Variants in RNF212B observed in about 807,000 individuals in gnomAD.
The protein encoded by RNF212B is E3 ubiquitin-protein ligase RNF212B.
A neutral mutation model predicts 55.5 loss-of-function variants in RNF212B; 52 were observed. The ratio of observed to expected loss-of-function variants is 0.94; its 90% CI spans 0.75 to 1.18. The LOEUF is 1.18. Ranked by LOEUF, RNF212B falls within the 50% of genes most tolerant of loss-of-function variation. The pLI is 0.00. For synonymous variants in RNF212B, 99 were observed against 121.4 expected, an observed-to-expected ratio of 0.82 and a Z score of 1.21; for missense variants, 289 against 350.4, an observed-to-expected ratio of 0.82 and a Z score of 1.40.
chr14:23,263,088 A>AG (rs944125051), intron 9 of RNF212B, 118 bp downstream of exon 9: 4 of 894,368 alleles, frequency 4.5e-6, no homozygotes, highest in African/African-American at 1.9e-5. Flanking sequence ...GTTTAAAGCT[A>AG]GGGTTTTTTT....
chr14:23,207,331 T>C (rs983494778), intron 2 of RNF212B, among the ~76,000 whole-genome samples: 2 of 152,154 alleles, frequency 1.3e-5, no homozygotes, highest in African/African-American at 4.8e-5. Context: ...CTCTCTACTA[T>C]TCTAGAGGCA....
At chr14:23,214,430 G>T (rs751100006) in intron 2 of RNF212B, among the ~76,000 whole-genome samples, 12 of 152,082 alleles carry the variant, frequency 7.9e-5, no homozygotes, top group African/African-American at 1.4e-4. Flanking sequence ...GGAGGTGGAG[G>T]TTGCGGTGAG....
At chr14:23,268,778 A>G (rs1204327759) in intron 11 of RNF212B, 146 bp from the exon 12 acceptor site, 2 of 635,052 alleles carry the variant, frequency 3.1e-6, no homozygotes, top group Non-Finnish European at 5.6e-6. Flanking sequence ...GTGATTTGTG[A>G]GCTTTTTCAC....
intron 2 of RNF212B, among the ~76,000 whole-genome samples, chr14:23,216,360 A>G (rs536592216): frequency 1.7e-4 from 26 of 152,230 alleles, no homozygotes; most frequent in Non-Finnish European, 3.7e-4. Flanking sequence ...CCTACAAAAA[A>G]GCAAAAAGAA....
At chr14:23,260,747 C>T (rs567003078) in intron 7 of RNF212B, 60 bp downstream of exon 7, 6 of 1,426,190 alleles carry the variant, frequency 4.2e-6, no homozygotes, top group South Asian at 2.5e-5. Flanking sequence ...TCTTTCTTGA[C>T]TCCTGGCTGT....
At chr14:23,235,609 T>G (rs543393913), upstream of RNF212B, among the ~76,000 whole-genome samples, 27 of 152,342 alleles carry the variant, frequency 1.8e-4, no homozygotes, top group East Asian at 3.3e-3. Context: ...GGAAAACTTG[T>G]ACCTGCAACT....
intron 2 of RNF212B, among the ~76,000 whole-genome samples, chr14:23,213,124 A>G (rs1396535514): frequency 3.3e-5 from 5 of 151,996 alleles, no homozygotes; most frequent in African/African-American, 1.2e-4. Context: ...CATCCTGGCT[A>G]ACACAGTGAA....
intron 2 of RNF212B, among the ~76,000 whole-genome samples, chr14:23,194,544 C>T (rs1232062868): frequency 6.6e-6 from 1 of 151,744 alleles, no homozygotes; most frequent in Admixed American, 6.6e-5. Flanking sequence ...TTGAGACCAC[C>T]CTGGGCAACA....
chr14:23,233,461 C>T (rs1251014841), upstream of RNF212B, among the ~76,000 whole-genome samples: 1 of 147,250 alleles, frequency 6.8e-6, no homozygotes, highest in Admixed American at 6.9e-5. Context: ...TTTGGTGGCT[C>T]ATGCCTATAA....
intron 2 of RNF212B, among the ~76,000 whole-genome samples, chr14:23,220,799 TG>T (rs112733170): frequency 0.013 from 1,944 of 151,686 alleles, 42 homozygotes; most frequent in African/African-American, 0.043. Flanking sequence ...CACTCCAGCC[TG>T]GGAGACAGAG....
At chr14:23,229,678 T>C (rs1254555924) in intron 2 of RNF212B, among the ~76,000 whole-genome samples, 1 of 152,224 alleles carries the variant, frequency 6.6e-6, no homozygotes, top group African/African-American at 2.4e-5. Flanking sequence ...GACACTTCTA[T>C]ATCTTCTTTG....
intron 11 of RNF212B, among the ~76,000 whole-genome samples, chr14:23,265,996 AG>A (rs113554615): frequency 3.3e-4 from 50 of 151,486 alleles, no homozygotes; most frequent in African/African-American, 9.7e-4. Context: ...TTTTTTTTTG[AG>A]ATGGGGTCTC....
chr14:23,243,260 A>C lies in RNF212B; in HGVS notation c.105A>C (p.Lys35Asn), dbSNP rs1883732348. 1 of 1,549,542 alleles carries C rather than the reference A, an allele frequency of 6.5e-7. No individual in the cohort carries two copies. The highest frequency in any genetic ancestry group is 8.7e-7 in the Non-Finnish European group (1 of 1,146,820). Reference sequence around the variant, plus strand: ...TTTTTTCCCTTTTCCTCCCAGAAAAATGTGCTGTTTGTGGAACTGCCTGCA... The same window carrying C: ...TTTTTTCCCTTTTCCTCCCAGAAAACTGTGCTGTTTGTGGAACTGCCTGCA... ...IFCKKCVTLE[K>N]CAVCGTACKH... is the part of the protein sequence containing the mutation. The change falls in exon 3 of 15, where the codon AAA becomes AAC. Residue 35 changes from lysine (K) to asparagine (N), a missense_variant. Lys to Asn is a moderately conservative substitution (Grantham distance 94). Transcript: ENST00000430154.
At chr14:23,231,428 A>C (rs1250607724) in intron 2 of RNF212B, among the ~76,000 whole-genome samples, 1 of 152,226 alleles carries the variant, frequency 6.6e-6, no homozygotes, top group East Asian at 1.9e-4. Context: ...ACACACCCAC[A>C]TATGCACATG....
At chr14:23,237,774 G>T (rs1883220353), upstream of RNF212B, among the ~76,000 whole-genome samples, 1 of 152,128 alleles carries the variant, frequency 6.6e-6, no homozygotes, top group Admixed American at 6.5e-5. Context: ...GCTGGGAAAA[G>T]TCTCCTACAC....
chr14:23,225,380 C>T (rs1881916018), intron 2 of RNF212B, among the ~76,000 whole-genome samples: 1 of 152,158 alleles, frequency 6.6e-6, no homozygotes, highest in African/African-American at 2.4e-5. Context: ...GCACTGTTCA[C>T]AATAGCCAAG....
chr14:23,255,167 G>C (rs901176462), intron 4 of RNF212B, among the ~76,000 whole-genome samples: 4 of 152,150 alleles, frequency 2.6e-5, no homozygotes, highest in Non-Finnish European at 5.9e-5. Flanking sequence ...TGCACTTTTT[G>C]TTCTCTGTTT....
intron 2 of RNF212B, among the ~76,000 whole-genome samples, chr14:23,230,380 C>T (rs931954172): frequency 1.3e-5 from 2 of 152,024 alleles, no homozygotes; most frequent in Admixed American, 6.6e-5. Flanking sequence ...GCCGGCCGGG[C>T]GCGGTGGCTC....
intron 10 of RNF212B, 121 bp downstream of exon 10, chr14:23,264,355 C>G: frequency 1.2e-6 from 1 of 848,874 alleles, no homozygotes; most frequent in Non-Finnish European, 1.8e-6. Context: ...TCATACTGGA[C>G]CCTATTTTCT....
Sources: gnomAD v4.1 joint callset for allele counts (sites outside exome capture counted in the v4.1 genomes callset) on GRCh38, gnomAD v4.1.1 for gene constraint, MANE v1.5 for transcripts, NCBI Gene and HGNC (gene_info 2026-07-23, HGNC 2026-07-21) for gene names.